ZNF385D: variants seen among roughly 807,000 people sequenced by gnomAD.
ZNF385D encodes the protein zinc finger protein 385D, also known as zinc finger protein 659.
Under a neutral mutation model 35.8 loss-of-function variants are expected in ZNF385D, and 15 were observed. The ratio of observed to expected loss-of-function variants is 0.42; its 90% CI spans 0.28 to 0.64. The LOEUF (loss-of-function observed/expected upper bound fraction) is 0.64, where lower values mean the gene tolerates loss of function less well. ZNF385D is among the 30% of genes least tolerant of loss of function. ZNF385D has a pLI of 0.23. For synonymous variants in ZNF385D, 212 were observed against 186.8 expected (o/e 1.13, Z -1.10); for missense variants, 474 against 494.6 (o/e 0.96, Z 0.39).
At chr3:21,579,740 CCTCTG>C (rs1575237151) in intron 2 of ZNF385D, 1 of 152,196 alleles carries the variant, frequency 6.6e-6, no homozygotes, top group East Asian at 1.9e-4. Flanking sequence ...ATCCATGCTT[CCTCTG>C]AAACCTGTAG....
Position 21,849,633 on chromosome 3 carries a change from A to G in ZNF385D, c.326-184605T>C, listed in dbSNP as rs576215552. The G allele has an allele frequency of 4.1e-3, 165 of 40,668 alleles. 2 individuals are homozygous for G. Among genetic ancestry groups the G allele is most frequent in the Middle Eastern group, 0.021 (1 of 48 alleles). 2.5% of individuals were successfully genotyped at this position (40,668 alleles called of 1,614,324 possible). A position where few individuals can be genotyped will look rare whatever the true frequency, so the allele number is the denominator to read the frequency against. ...TTTTTTTTTTTTTTTTTTTTCTACC[A>G]CCATCGCTCTACACATCATTACCTC... On this transcript the variant is annotated intron_variant, in intron 3 of 5. Transcript: ENST00000494108.
At chr3:21,462,720 G>A (rs972026791) in intron 4 of ZNF385D, among the ~76,000 whole-genome samples, 5 of 152,154 alleles carry the variant, frequency 3.3e-5, no homozygotes, top group Non-Finnish European at 5.9e-5. Context: ...GGTGGCTTAC[G>A]CCTGTAATCC....
chr3:21,452,662 A>G (rs899761859), intron 4 of ZNF385D, among the ~76,000 whole-genome samples: 4 of 152,048 alleles, frequency 2.6e-5, no homozygotes, highest in Non-Finnish European at 4.4e-5. Context: ...ATAAAGTGTA[A>G]GACTTGTATA....
At chr3:21,887,506 T>C (rs1235142254) in intron 3 of ZNF385D, among the ~76,000 whole-genome samples, 7 of 152,138 alleles carry the variant, frequency 4.6e-5, no homozygotes, top group Admixed American at 4.6e-4. Flanking sequence ...TTTGTTTTAG[T>C]TTTTAAACAT....
chr3:21,932,946 G>A (rs1701085832), intron 3 of ZNF385D, among the ~76,000 whole-genome samples: 1 of 152,160 alleles, frequency 6.6e-6, no homozygotes, highest in African/African-American at 2.4e-5. Context: ...TACTGGGATA[G>A]GAGATCGCAA....
intron 3 of ZNF385D, among the ~76,000 whole-genome samples, chr3:22,106,527 G>C (rs1050311520): frequency 1.3e-5 from 2 of 152,140 alleles, no homozygotes; most frequent in African/African-American, 4.8e-5. Flanking sequence ...CTTCTTTCCA[G>C]ATATGACTTT....
intron 4 of ZNF385D, among the ~76,000 whole-genome samples, chr3:21,488,966 C>A (rs1705222278): frequency 6.6e-6 from 1 of 152,036 alleles, no homozygotes; most frequent in Non-Finnish European, 1.5e-5. Context: ...AGTCTAAAGC[C>A]CTAGCAGGTA....
At chr3:22,263,725 C>T (rs1218932582) in intron 2 of ZNF385D, among the ~76,000 whole-genome samples, 4 of 151,930 alleles carry the variant, frequency 2.6e-5, no homozygotes, top group African/African-American at 7.2e-5. Context: ...CAGTGATTCT[C>T]AACCAGGGGC....
rs1188502392 is a variant in ZNF385D at position 22,163,708 on chromosome 3, A to C, written c.325+5109T>G. On this transcript the variant is annotated intron_variant, in intron 3 of 5. Coordinates refer to the ZNF385D transcript ENST00000494108. ...TGAAAATACTAAAGTACCTGTTTGG[A>C]TAAATTTAGGTAAAAATCTCTATTG... Among the ~76,000 whole-genome samples the C allele has an allele frequency of 2.0e-5, 3 of 152,218 alleles. No homozygotes were observed. In the South Asian group the frequency reaches 6.2e-4, roughly 31 times the overall value.
At chr3:22,031,101 T>C (rs970771434) in intron 3 of ZNF385D, among the ~76,000 whole-genome samples, 2 of 152,184 alleles carry the variant, frequency 1.3e-5, no homozygotes, top group Non-Finnish European at 2.9e-5. Context: ...CCTGTGGCTT[T>C]GCAGGATTCA....
intron 3 of ZNF385D, among the ~76,000 whole-genome samples, chr3:21,794,851 T>C (rs749440016): frequency 1.8e-4 from 28 of 152,358 alleles, no homozygotes; most frequent in Middle Eastern, 3.4e-3. Context: ...TTCTACAGCC[T>C]ACCTCTCTGA....
chr3:22,358,321 C>T (rs758416794), intron 2 of ZNF385D, among the ~76,000 whole-genome samples: 6 of 151,926 alleles, frequency 3.9e-5, no homozygotes, highest in Non-Finnish European at 7.4e-5. Context: ...ATTGTTGAGA[C>T]CAGTCCTAAA....
chr3:21,577,231 C>T (rs545335073), intron 2 of ZNF385D, among the ~76,000 whole-genome samples: 1 of 152,276 alleles, frequency 6.6e-6, no homozygotes, highest in East Asian at 1.9e-4. Context: ...ACTTATTTAG[C>T]TTCCACATAT....
intron 3 of ZNF385D, among the ~76,000 whole-genome samples, chr3:21,968,722 G>A (rs1388799643): frequency 2.0e-5 from 3 of 152,226 alleles, no homozygotes; most frequent in Admixed American, 2.0e-4. Context: ...ATGGTAGCCA[G>A]GCAGTACTTG....
intron 3 of ZNF385D, among the ~76,000 whole-genome samples, chr3:21,946,551 G>T (rs1190440447): frequency 6.7e-6 from 1 of 148,924 alleles, no homozygotes; most frequent in Non-Finnish European, 1.5e-5. Context: ...ACTTTCTCAG[G>T]CCAAGCACAG....
intron 3 of ZNF385D, among the ~76,000 whole-genome samples, chr3:21,877,569 G>A (rs78814206): frequency 1.8e-4 from 28 of 152,018 alleles, no homozygotes; most frequent in African/African-American, 4.1e-4. Context: ...GGAGAGCCTC[G>A]GAAATGGTTC....
intron 3 of ZNF385D, among the ~76,000 whole-genome samples, chr3:22,028,034 G>A (rs80329211): frequency 0.043 from 6,595 of 152,230 alleles, 503 homozygotes; most frequent in African/African-American, 0.15. Flanking sequence ...CACTCTGCAT[G>A]TAAGGAGAAA....
At chr3:22,255,367 T>G (rs1386353855) in intron 2 of ZNF385D, among the ~76,000 whole-genome samples, 1 of 151,750 alleles carries the variant, frequency 6.6e-6, no homozygotes, top group Non-Finnish European at 1.5e-5. Context: ...AATATATTAT[T>G]GTTTTACTTC....
intron 3 of ZNF385D, among the ~76,000 whole-genome samples, chr3:21,945,369 A>T (rs1208634003): frequency 6.7e-6 from 1 of 149,276 alleles, no homozygotes. Flanking sequence ...TGCAAAATGC[A>T]TGTTTATGGT....
Sources: gnomAD v4.1 joint callset for allele counts (sites outside exome capture counted in the v4.1 genomes callset) on GRCh38, gnomAD v4.1.1 for gene constraint, MANE v1.5 for transcripts, NCBI Gene and HGNC (gene_info 2026-07-23, HGNC 2026-07-21) for gene names.